COL4A2: variants seen among roughly 807,000 people sequenced by gnomAD.
COL4A2 encodes collagen alpha-2(IV) chain.
In COL4A2, 99 loss-of-function variants were observed where a neutral mutation model predicts 200.2. The ratio of observed to expected loss-of-function variants is 0.49; its 90% CI spans 0.42 to 0.58. COL4A2 has a LOEUF of 0.58. Among genes scored for constraint, COL4A2 ranks in the 20% least tolerant of loss-of-function variants. COL4A2 has a pLI of 0.00. For missense variants in COL4A2, 1,950 were observed against 2,314.1 expected, an observed-to-expected ratio of 0.84 and a Z score of 3.23; for synonymous variants, 897 against 900.6, an observed-to-expected ratio of 1.00 and a Z score of 0.07.
intron 4 of COL4A2, among the ~76,000 whole-genome samples, chr13:110,383,583 G>T (rs1878572526): frequency 6.9e-6 from 1 of 145,606 alleles, no homozygotes; most frequent in South Asian, 2.2e-4. Flanking sequence ...TGCAATCAGT[G>T]GTTATTTTGT....
At chr13:110,383,623 T>C (rs1220003610) in intron 4 of COL4A2, among the ~76,000 whole-genome samples, 1 of 142,952 alleles carries the variant, frequency 7.0e-6, no homozygotes. Context: ...TTTTTTTTTT[T>C]TTTTTTTTTT....
intron 4 of COL4A2, among the ~76,000 whole-genome samples, chr13:110,393,980 G>A (rs1395185084): frequency 6.6e-6 from 1 of 152,152 alleles, no homozygotes; most frequent in Non-Finnish European, 1.5e-5. Context: ...CCAGCAGAAT[G>A]AGGTGTTGGC....
chr13:110,367,532 G>T (rs1877807616), intron 4 of COL4A2, among the ~76,000 whole-genome samples: 1 of 152,228 alleles, frequency 6.6e-6, no homozygotes, highest in African/African-American at 2.4e-5. Flanking sequence ...ATGCACTTAG[G>T]GTGGTGATTA....
chr13:110,332,619 A>G (rs979953512), intron 3 of COL4A2, among the ~76,000 whole-genome samples: 16 of 152,208 alleles, frequency 1.1e-4, no homozygotes, highest in African/African-American at 3.9e-4. Context: ...GCACAGGCAG[A>G]TAGAGAGAAA....
chr13:110,386,663 A>G (rs182593822), intron 4 of COL4A2, among the ~76,000 whole-genome samples: 5 of 152,370 alleles, frequency 3.3e-5, no homozygotes, highest in Non-Finnish European at 2.9e-5. Flanking sequence ...CAATTATAAT[A>G]ATAATAGCAT....
chr13:110,486,777 C>T (rs1025876670), intron 34 of COL4A2, among the ~76,000 whole-genome samples: 4 of 151,736 alleles, frequency 2.6e-5, no homozygotes, highest in Admixed American at 6.6e-5. Context: ...CTCTGGCGGG[C>T]AGGAGTGGGG....
chr13:110,322,685 G>A (rs12869906), intron 3 of COL4A2, among the ~76,000 whole-genome samples: 2 of 152,316 alleles, frequency 1.3e-5, no homozygotes, highest in South Asian at 4.1e-4. Context: ...GGAGAGTGGA[G>A]ACAGGGAGCC....
rs1301319751 is a variant in COL4A2, at chr13:110,344,677, T to C, written c.100-12795T>C. Among the ~76,000 whole-genome samples, 5 of 152,186 alleles carry C rather than the reference T, an allele frequency of 3.3e-5. No homozygotes were observed. The East Asian group carries it at 9.6e-4, about 29-fold the overall frequency. ...GGGCCGCAGTATTCTCTCTCTTGCCTCGCTCAGGCCACATACTCTCCTTAG... is the reference window on the plus strand; with the variant it reads ...GGGCCGCAGTATTCTCTCTCTTGCCCCGCTCAGGCCACATACTCTCCTTAG... On this transcript the variant is annotated intron_variant, in intron 3 of 47. Transcript: ENST00000360467.
At chr13:110,456,692 G>T in intron 20 of COL4A2, 1 of 464,026 alleles carries the variant, frequency 2.2e-6, no homozygotes. Flanking sequence ...AAGCCACCCT[G>T]GGCTGGGTGG....
rs1295802932 is a variant in COL4A2, at chr13:110,512,154, A to T, written c.5102A>T (p.His1701Leu). 6.2e-7 allele frequency: 1 copy of T among 1,613,076 alleles called. No individual in the cohort carries two copies. The highest frequency in any genetic ancestry group is 1.1e-5 in the South Asian group (1 of 91,080). The change falls in exon 48 of 48, where the codon CAC becomes CTC. Residue 1701 changes from histidine to leucine, a missense_variant. Transcript: ENST00000360467. ...DTLKAGLIRT[H>L]ISRCQVCMKN... ...CTCAAGGCCGGCCTCATCCGCACAC[A>T]CATCAGCCGCTGCCAGGTGTGCATG...
chr13:110,491,803 C>T (rs930259202), intron 37 of COL4A2, among the ~76,000 whole-genome samples: 11 of 152,182 alleles, frequency 7.2e-5, no homozygotes, highest in African/African-American at 2.4e-4. Flanking sequence ...CCTCTCCAGA[C>T]GTCTATTTGG....
chr13:110,390,921 A>T (rs1370881760), intron 4 of COL4A2, among the ~76,000 whole-genome samples: 1 of 152,246 alleles, frequency 6.6e-6, no homozygotes, highest in African/African-American at 2.4e-5. Flanking sequence ...TTTTAAAAAG[A>T]CATATGTCAA....
chr13:110,501,208 G>A lies in COL4A2; in HGVS notation c.3761-460G>A, dbSNP rs116293213. Among the ~76,000 whole-genome samples the A allele has an allele frequency of 4.7e-3, 714 of 152,356 alleles. 5 individuals carry two copies. Among genetic ancestry groups the A allele is most frequent in the African/African-American group, 0.016 (685 of 41,580 alleles). On this transcript the variant is annotated intron_variant, in intron 40 of 47. Coordinates refer to ENST00000360467, the MANE Select transcript of COL4A2 (RefSeq NM_001846.4). ...TATCCAAGCTGGGATCCGAGGCACTGGAGGACAGCCGCAGGGAGGGTTGAC... is the reference window on the plus strand; with the variant it reads ...TATCCAAGCTGGGATCCGAGGCACTAGAGGACAGCCGCAGGGAGGGTTGAC...
chr13:110,341,117 C>T (rs1876433121), intron 3 of COL4A2: 1 of 152,336 alleles, frequency 6.6e-6, no homozygotes, highest in Admixed American at 6.5e-5. Context: ...AGAAGCCCGC[C>T]CGCCACTTCC....
intron 21 of COL4A2, 190 bp downstream of exon 21, chr13:110,457,625 A>G (rs768139569): frequency 3.2e-5 from 22 of 684,974 alleles, no homozygotes; most frequent in Non-Finnish European, 5.2e-5. Flanking sequence ...GTGCTGTCTG[A>G]GCACTCGGCC....
chr13:110,420,933 C>T (rs982104434), intron 4 of COL4A2, among the ~76,000 whole-genome samples: 1 of 152,250 alleles, frequency 6.6e-6, no homozygotes, highest in Non-Finnish European at 1.5e-5. Context: ...GTCTAACTCA[C>T]ATTCTGCCCA....
chr13:110,427,901 A>G (rs1880528845), intron 6 of COL4A2, among the ~76,000 whole-genome samples: 1 of 152,248 alleles, frequency 6.6e-6, no homozygotes, highest in Non-Finnish European at 1.5e-5. Flanking sequence ...TGACAAGGCC[A>G]TTGATAAAAT....
chr13:110,347,602 CTAA>C (rs1876765394), intron 3 of COL4A2, among the ~76,000 whole-genome samples: 1 of 152,258 alleles, frequency 6.6e-6, no homozygotes, highest in African/African-American at 2.4e-5. Context: ...CTCAGGATGA[CTAA>C]TGTCACTGGG....
intron 40 of COL4A2, among the ~76,000 whole-genome samples, chr13:110,497,288 TC>T (rs1883490659): frequency 1.4e-5 from 2 of 147,896 alleles, no homozygotes; most frequent in South Asian, 4.3e-4. Flanking sequence ...AGGATCTAGG[TC>T]AATCCACCAG....
Sources: gnomAD v4.1 joint callset for allele counts (sites outside exome capture counted in the v4.1 genomes callset) on GRCh38, gnomAD v4.1.1 for gene constraint, MANE v1.5 for transcripts, NCBI Gene and HGNC (gene_info 2026-07-23, HGNC 2026-07-21) for gene names.